FER: variants seen among roughly 807,000 people sequenced by gnomAD.
FER encodes the protein tyrosine-protein kinase Fer.
In FER, 63 loss-of-function variants were observed where a neutral mutation model predicts 111.0. The observed-to-expected ratio is 0.57, with a 90% CI of 0.46 to 0.70. FER has a LOEUF of 0.70. Ranked by LOEUF, FER falls within the 30% of genes least tolerant of loss-of-function variation. The probability of loss-of-function intolerance (pLI) is 0.00; values close to 1 mark genes in which losing one functional copy is unlikely to be tolerated. For synonymous variants in FER, 327 were observed against 313.9 expected, an observed-to-expected ratio of 1.04 and a Z score of -0.44; for missense variants, 914 against 954.0, an observed-to-expected ratio of 0.96 and a Z score of 0.55.
intron 1 of FER, among the ~76,000 whole-genome samples, chr5:108,751,528 T>C (rs1750511633): frequency 6.6e-6 from 1 of 152,186 alleles, no homozygotes; most frequent in Non-Finnish European, 1.5e-5. Context: ...TAGATTATAG[T>C]TTTGTACTTG....
chr5:108,904,975 G>C (rs371752933), intron 10 of FER, among the ~76,000 whole-genome samples: 1 of 151,982 alleles, frequency 6.6e-6, no homozygotes, highest in Non-Finnish European at 1.5e-5. Context: ...ATGTTATACT[G>C]TATATAAATT....
At chr5:108,999,538 T>G (rs1198975405) in intron 13 of FER, among the ~76,000 whole-genome samples, 1 of 151,924 alleles carries the variant, frequency 6.6e-6, no homozygotes, top group Middle Eastern at 3.2e-3. Flanking sequence ...TGTGTGAGAG[T>G]TTCTTTTATT....
chr5:108,829,120 T>C (rs1042340656), intron 3 of FER, among the ~76,000 whole-genome samples: 2 of 152,170 alleles, frequency 1.3e-5, no homozygotes, highest in Admixed American at 1.3e-4. Flanking sequence ...CTATTAACAT[T>C]TTACTCTCCT....
At chr5:109,186,364 C>T in intron 19 of FER, 42 bp downstream of exon 19, 1 of 1,613,802 alleles carries the variant, frequency 6.2e-7, no homozygotes, top group South Asian at 1.1e-5. Context: ...TGTCCAGCCC[C>T]AGGGGTAGGC....
intron 10 of FER, among the ~76,000 whole-genome samples, chr5:108,941,302 T>C (rs1756237079): frequency 6.6e-6 from 1 of 152,140 alleles, no homozygotes; most frequent in Admixed American, 6.6e-5. Flanking sequence ...AAGGAGTGGG[T>C]ATGTCCATTT....
intron 13 of FER, among the ~76,000 whole-genome samples, chr5:108,998,133 G>A (rs1250234062): frequency 2.6e-5 from 4 of 150,946 alleles, no homozygotes; most frequent in East Asian, 1.9e-4. Context: ...CCCTTTCCCC[G>A]GGGGATGAAC....
At chr5:108,976,734 T>TA (rs1452571082) in intron 13 of FER, among the ~76,000 whole-genome samples, 1 of 152,226 alleles carries the variant, frequency 6.6e-6, no homozygotes, top group African/African-American at 2.4e-5. Context: ...GAAGAGATAC[T>TA]ACATTTATAG....
intron 10 of FER, among the ~76,000 whole-genome samples, chr5:108,945,074 A>G (rs1278640709): frequency 6.6e-6 from 1 of 152,152 alleles, no homozygotes; most frequent in East Asian, 1.9e-4. Context: ...GAATATGTAC[A>G]TTTACTGTTA....
intron 17 of FER, among the ~76,000 whole-genome samples, chr5:109,164,148 G>T (rs1185430130): frequency 6.6e-6 from 1 of 152,134 alleles, no homozygotes; most frequent in Non-Finnish European, 1.5e-5. Flanking sequence ...TCCCAGTAAG[G>T]TGTTTTCAGA....
At chr5:109,126,244 C>A (rs1751701971) in intron 17 of FER, among the ~76,000 whole-genome samples, 1 of 152,142 alleles carries the variant, frequency 6.6e-6, no homozygotes, top group Non-Finnish European at 1.5e-5. Context: ...TCATCTAGTC[C>A]CTTGGCCCCA....
chr5:109,161,596 A>C (rs1182009547), intron 17 of FER, among the ~76,000 whole-genome samples: 1 of 152,150 alleles, frequency 6.6e-6, no homozygotes, highest in Non-Finnish European at 1.5e-5. Flanking sequence ...GCTACATAGC[A>C]TTCCATGATG....
At chr5:108,791,797 G>T (rs1021916459) in intron 2 of FER, among the ~76,000 whole-genome samples, 3 of 152,072 alleles carry the variant, frequency 2.0e-5, no homozygotes, top group African/African-American at 7.2e-5. Flanking sequence ...TTTATTCTGA[G>T]AATTTTATAG....
intron 8 of FER, among the ~76,000 whole-genome samples, chr5:108,879,697 A>ATATATATAT (rs1554084588): frequency 7.3e-5 from 7 of 96,036 alleles, no homozygotes; most frequent in African/African-American, 4.3e-4. Flanking sequence ...TTAGATTAAA[A>ATATATATAT]AAAAATATAT....
At chr5:108,971,619 G>A (rs1194036019) in intron 13 of FER, among the ~76,000 whole-genome samples, 1 of 152,102 alleles carries the variant, frequency 6.6e-6, no homozygotes, top group Admixed American at 6.5e-5. Flanking sequence ...CTCATAGGTT[G>A]TTGATTTTAG....
At chr5:108,900,737 T>C (rs1463700731) in intron 10 of FER, among the ~76,000 whole-genome samples, 1 of 152,166 alleles carries the variant, frequency 6.6e-6, no homozygotes, top group African/African-American at 2.4e-5. Flanking sequence ...AACTGTACCA[T>C]TGAAATGTGC....
intron 11 of FER, among the ~76,000 whole-genome samples, chr5:108,954,376 T>C (rs1410440902): frequency 1.3e-5 from 2 of 152,148 alleles, no homozygotes; most frequent in Non-Finnish European, 2.9e-5. Context: ...TTAAGTTATT[T>C]TGTGATACAT....
chr5:109,178,380 CA>C (rs1418246968), intron 17 of FER, among the ~76,000 whole-genome samples: 1 of 152,140 alleles, frequency 6.6e-6, no homozygotes, highest in East Asian at 1.9e-4. Context: ...TTTCAGAGGA[CA>C]AATCTCTAAA....
At chr5:108,854,961 A>G (rs1348098527) in intron 5 of FER, among the ~76,000 whole-genome samples, 1 of 151,088 alleles carries the variant, frequency 6.6e-6, no homozygotes, top group Non-Finnish European at 1.5e-5. Context: ...AAAAAAAAAA[A>G]AAAAAAAAAA....
chr5:108,898,615 C>T (rs1221496301), intron 10 of FER, among the ~76,000 whole-genome samples: 2 of 132,230 alleles, frequency 1.5e-5, no homozygotes, highest in Non-Finnish European at 3.2e-5. Flanking sequence ...CCTTTCCTTC[C>T]TTCCTTCCTT....
Sources: allele counts gnomAD v4.1 joint callset (sites outside exome capture counted in the v4.1 genomes callset), GRCh38; gene constraint gnomAD v4.1.1; transcripts MANE v1.5; gene names NCBI Gene and HGNC (gene_info 2026-07-23, HGNC 2026-07-21).